CLSTN1: variants seen among roughly 807,000 people sequenced by gnomAD.
CLSTN1 encodes the protein calsyntenin-1.
In CLSTN1, 28 loss-of-function variants were observed where a neutral mutation model predicts 108.3. That is an observed-to-expected ratio of 0.26 (90% CI 0.19 to 0.35). The LOEUF (loss-of-function observed/expected upper bound fraction) is 0.35. Ranked by LOEUF, CLSTN1 falls within the 10% of genes least tolerant of loss-of-function variation. CLSTN1 has a pLI of 1.00. For synonymous variants in CLSTN1, 524 were observed against 534.9 expected (o/e 0.98, Z 0.28); for missense variants, 1,157 against 1,302.6 (o/e 0.89, Z 1.72).
intron 3 of CLSTN1, among the ~76,000 whole-genome samples, chr1:9,756,044 C>T (rs1020785953): frequency 1.3e-5 from 2 of 152,210 alleles, no homozygotes; most frequent in Non-Finnish European, 2.9e-5. Context: ...AACTTCTCTA[C>T]ATCTAAATTG....
At chr1:9,752,733 G>A (rs1263482159) in intron 4 of CLSTN1, among the ~76,000 whole-genome samples, 5 of 152,026 alleles carry the variant, frequency 3.3e-5, no homozygotes, top group Admixed American at 1.3e-4. Flanking sequence ...GTGGTGGAGC[G>A]TGCCTGTAAT....
At chr1:9,732,082 A>G (rs1293304944) in intron 16 of CLSTN1, among the ~76,000 whole-genome samples, 186 bp from the exon 17 acceptor site, 1 of 152,190 alleles carries the variant, frequency 6.6e-6, no homozygotes, top group Admixed American at 6.5e-5. Context: ...TAAAAAACAA[A>G]AACAAAGAAA....
intron 2 of CLSTN1, among the ~76,000 whole-genome samples, chr1:9,767,971 C>T (rs930815410): frequency 3.9e-5 from 6 of 152,198 alleles, no homozygotes; most frequent in Non-Finnish European, 7.3e-5. Flanking sequence ...AAGAAGCTAA[C>T]ATTCCCCCAA....
chr1:9,764,857 T>A (rs989038542), intron 2 of CLSTN1, among the ~76,000 whole-genome samples: 3 of 152,024 alleles, frequency 2.0e-5, no homozygotes, highest in Admixed American at 6.6e-5. Context: ...CACTTTTTTT[T>A]ATCATCTCTG....
intron 10 of CLSTN1, among the ~76,000 whole-genome samples, chr1:9,740,722 C>G (rs150678750): frequency 6.6e-6 from 1 of 152,300 alleles, no homozygotes; most frequent in South Asian, 2.1e-4. Flanking sequence ...TCTACTTCTG[C>G]GTCCTTTATT....
At chr1:9,800,157 C>A (rs1265641929) in intron 1 of CLSTN1, among the ~76,000 whole-genome samples, 2 of 151,874 alleles carry the variant, frequency 1.3e-5, no homozygotes, top group African/African-American at 4.8e-5. Flanking sequence ...ATATAAGCTT[C>A]AACCTTAGGA....
At chr1:9,783,214 T>C (rs1570487678) in intron 1 of CLSTN1, among the ~76,000 whole-genome samples, 1 of 152,336 alleles carries the variant, frequency 6.6e-6, no homozygotes, top group Non-Finnish European at 1.5e-5. Context: ...TTAGGATTTT[T>C]AGACTTTACA....
At position 9,728,978 on chromosome 1, in the gene CLSTN1, G is replaced by A. The variant is rs1382310495; in HGVS notation, c.*1530C>T. 1 of 152,166 alleles carries A rather than the reference G, an allele frequency of 6.6e-6. No individual in the cohort carries two copies. The highest frequency in any genetic ancestry group is 1.5e-5 in the Non-Finnish European group (1 of 68,030). 9.4% of individuals were successfully genotyped at this position (152,166 alleles called of 1,614,324 possible). A position where few individuals can be genotyped will look rare whatever the true frequency, so the allele number is the denominator to read the frequency against. The stretch of plus-strand genomic sequence containing the variant: ...GCTCAAAAAGAAACAAGGGAGTGTA[G>A]GTTTAAAACCAAAACAGGAGAGAAG... On this transcript the variant is annotated 3_prime_UTR_variant, in exon 19 of 19. Coordinates refer to ENST00000377298, the MANE Select transcript of CLSTN1 (RefSeq NM_001009566.3).
At chr1:9,819,443 A>G (rs1175675364) in intron 1 of CLSTN1, among the ~76,000 whole-genome samples, 3 of 152,218 alleles carry the variant, frequency 2.0e-5, no homozygotes, top group African/African-American at 7.2e-5. Flanking sequence ...TTTTCAATGT[A>G]ATATTTTATA....
At chr1:9,732,110 CAA>C (rs915890938) in intron 16 of CLSTN1, among the ~76,000 whole-genome samples, 1 of 151,998 alleles carries the variant, frequency 6.6e-6, no homozygotes, top group Non-Finnish European at 1.5e-5. Flanking sequence ...AAAAACCAAA[CAA>C]AAAAGAGTAA....
At chr1:9,816,492 G>A (rs893838141) in intron 1 of CLSTN1, among the ~76,000 whole-genome samples, 31 of 151,246 alleles carry the variant, frequency 2.0e-4, no homozygotes, top group Admixed American at 1.1e-3. Flanking sequence ...GCCTTAAAAG[G>A]TTGAATTTTA....
chr1:9,765,774 T>A (rs1222524969), intron 2 of CLSTN1, among the ~76,000 whole-genome samples: 2 of 151,412 alleles, frequency 1.3e-5, no homozygotes, highest in Non-Finnish European at 2.9e-5. Flanking sequence ...TCCCAGCTAC[T>A]CAGGAGGCTG....
chr1:9,732,875 C>T (rs574938593), intron 16 of CLSTN1, among the ~76,000 whole-genome samples: 45 of 152,292 alleles, frequency 3.0e-4, no homozygotes, highest in African/African-American at 1.0e-3. Context: ...ACTTTTGGTT[C>T]CCTGGATGCT....
intron 16 of CLSTN1, among the ~76,000 whole-genome samples, chr1:9,732,394 T>C (rs548559154): frequency 6.6e-6 from 1 of 152,220 alleles, no homozygotes; most frequent in East Asian, 1.9e-4. Context: ...TTATAAAAGA[T>C]TATGCCCAAA....
intron 1 of CLSTN1, among the ~76,000 whole-genome samples, chr1:9,791,721 G>C (rs760316581): frequency 3.3e-5 from 5 of 150,658 alleles, no homozygotes; most frequent in Non-Finnish European, 7.4e-5. Flanking sequence ...AGTAGAGATG[G>C]AGTTTCAGCA....
chr1:9,748,484 T>C (rs1051130493), intron 7 of CLSTN1, among the ~76,000 whole-genome samples: 2 of 152,214 alleles, frequency 1.3e-5, no homozygotes, highest in African/African-American at 4.8e-5. Context: ...GTATTACCTA[T>C]ATTTTTCCTT....
intron 4 of CLSTN1, among the ~76,000 whole-genome samples, chr1:9,753,811 TTTG>T (rs1651678430): frequency 6.8e-6 from 1 of 146,556 alleles, no homozygotes; most frequent in African/African-American, 2.5e-5. Flanking sequence ...CTGGCCAATT[TTTG>T]TTGTTATTGT....
chr1:9,764,703 T>C (rs1301737111), intron 2 of CLSTN1, among the ~76,000 whole-genome samples: 1 of 146,322 alleles, frequency 6.8e-6, no homozygotes, highest in Non-Finnish European at 1.5e-5. Context: ...ACATCCAAAC[T>C]GCAGCACTTG....
intron 2 of CLSTN1, among the ~76,000 whole-genome samples, chr1:9,759,544 A>C (rs1322142934): frequency 6.6e-6 from 1 of 152,214 alleles, no homozygotes; most frequent in African/African-American, 2.4e-5. Context: ...GGCCTCCCAA[A>C]GTGCTGAGAT....
Sources: allele counts gnomAD v4.1 joint callset (sites outside exome capture counted in the v4.1 genomes callset), GRCh38; gene constraint gnomAD v4.1.1; transcripts MANE v1.5; gene names NCBI Gene and HGNC (gene_info 2026-07-23, HGNC 2026-07-21).